ST3GAL3: variants seen among roughly 807,000 people sequenced by gnomAD.
ST3GAL3 encodes the protein CMP-N-acetylneuraminate-beta-1,4-galactoside alpha-2,3-sialyltransferase.
Under a neutral mutation model 50.1 loss-of-function variants are expected in ST3GAL3, and 21 were observed. That is an observed-to-expected ratio of 0.42 (90% CI 0.30 to 0.60). ST3GAL3 has a LOEUF of 0.60. Ranked by LOEUF, ST3GAL3 falls within the 20% of genes least tolerant of loss-of-function variation. The probability of loss-of-function intolerance (pLI) is 0.19; values close to 1 mark genes in which losing one functional copy is unlikely to be tolerated. For synonymous variants in ST3GAL3, 183 were observed against 190.0 expected (o/e 0.96, Z 0.30); for missense variants, 353 against 489.4 (o/e 0.72, Z 2.63).
chr1:43,852,222 C>T (rs1201325980), intron 5 of ST3GAL3, among the ~76,000 whole-genome samples: 1 of 152,182 alleles, frequency 6.6e-6, no homozygotes, highest in Non-Finnish European at 1.5e-5. Flanking sequence ...GAGTATTGCT[C>T]ACTTGGATAC....
chr1:43,844,964 T>A (rs2065997058), intron 5 of ST3GAL3, among the ~76,000 whole-genome samples: 1 of 152,172 alleles, frequency 6.6e-6, no homozygotes, highest in Non-Finnish European at 1.5e-5. Context: ...AGCCTGCACA[T>A]CTTTGTAGGA....
intron 5 of ST3GAL3, among the ~76,000 whole-genome samples, chr1:43,846,652 C>T (rs1372205750): frequency 6.6e-6 from 1 of 152,138 alleles, no homozygotes; most frequent in African/African-American, 2.4e-5. Context: ...ACACATGTCA[C>T]CGTACCCAGC....
intron 9 of ST3GAL3, among the ~76,000 whole-genome samples, chr1:43,901,233 C>T (rs1399529961): frequency 6.6e-6 from 1 of 152,242 alleles, no homozygotes; most frequent in Non-Finnish European, 1.5e-5. Flanking sequence ...CCTTTCACAT[C>T]GTTTCCTCTG....
intron 3 of ST3GAL3, among the ~76,000 whole-genome samples, chr1:43,812,298 G>A (rs897850520): frequency 1.4e-4 from 21 of 152,178 alleles, no homozygotes; most frequent in Non-Finnish European, 1.0e-4. Flanking sequence ...GCCTGGCACA[G>A]TTAGCAGGAG....
At chr1:43,848,505 A>G (rs2066687357) in intron 5 of ST3GAL3, among the ~76,000 whole-genome samples, 1 of 151,830 alleles carries the variant, frequency 6.6e-6, no homozygotes, top group South Asian at 2.1e-4. Flanking sequence ...GGGTTTCACC[A>G]TGTTAGCCAG....
rs368289011 is a variant in ST3GAL3 at position 43,792,060 on chromosome 1, A to G, written c.119-42A>G. On this transcript the variant is annotated intron_variant, in intron 2 of 11. Coordinates refer to ENST00000347631, the MANE Select transcript of ST3GAL3 (RefSeq NM_006279.5). Reference sequence around the variant, plus strand: ...GCCAGTGGGAGCTTGCTTTTTTATTATAAGAAGGAGAAAGAAATGAACTTG... The same window carrying G: ...GCCAGTGGGAGCTTGCTTTTTTATTGTAAGAAGGAGAAAGAAATGAACTTG... 5.0e-6 allele frequency: 8 copies of G among 1,613,446 alleles called. No individual in the cohort carries two copies. In the African/African-American group the frequency reaches 8.0e-5, roughly 16 times the overall value.
chr1:43,858,802 T>A (rs554439440), intron 5 of ST3GAL3, among the ~76,000 whole-genome samples: 36 of 152,114 alleles, frequency 2.4e-4, no homozygotes, highest in Non-Finnish European at 4.7e-4. Context: ...CTCTGACTGG[T>A]CTCCCCAAAT....
At chr1:43,923,071 A>G (rs773707822) in intron 11 of ST3GAL3, among the ~76,000 whole-genome samples, 25 of 152,160 alleles carry the variant, frequency 1.6e-4, no homozygotes, top group Non-Finnish European at 2.9e-4. Flanking sequence ...CCTGGGTGAC[A>G]GAGCAAGACT....
intron 1 of ST3GAL3, 38 bp from the exon 2 acceptor site, chr1:43,736,195 T>C: frequency 1.3e-6 from 2 of 1,559,046 alleles, no homozygotes; most frequent in Non-Finnish European, 1.8e-6. Flanking sequence ...ATAAGATGAG[T>C]GCTTTGTCTT....
At chr1:43,915,843 G>A (rs2081692806) in intron 9 of ST3GAL3, among the ~76,000 whole-genome samples, 1 of 152,234 alleles carries the variant, frequency 6.6e-6, no homozygotes, top group South Asian at 2.1e-4. Flanking sequence ...GAGAGGCTGG[G>A]CGCAGTGGCT....
chr1:43,794,705 C>G (rs1489022343), intron 3 of ST3GAL3, among the ~76,000 whole-genome samples: 1 of 152,064 alleles, frequency 6.6e-6, no homozygotes, highest in Non-Finnish European at 1.5e-5. Context: ...AATGACTATG[C>G]AAATTGTATT....
At chr1:43,917,597 T>TATA (rs1553136347) in intron 9 of ST3GAL3, among the ~76,000 whole-genome samples, 2 of 14,948 alleles carry the variant, frequency 1.3e-4, no homozygotes, top group South Asian at 2.0e-3. Flanking sequence ...ATATATAATA[T>TATA]ATATATTATA....
At chr1:43,828,586 A>G (rs1258662064) in intron 4 of ST3GAL3, among the ~76,000 whole-genome samples, 1 of 152,222 alleles carries the variant, frequency 6.6e-6, no homozygotes, top group Non-Finnish European at 1.5e-5. Context: ...AATGGGCAAA[A>G]GAACCAAAAA....
intron 4 of ST3GAL3, among the ~76,000 whole-genome samples, chr1:43,835,157 A>G (rs1036894520): frequency 1.3e-5 from 2 of 152,214 alleles, no homozygotes; most frequent in African/African-American, 2.4e-5. Flanking sequence ...GCTGCAGAGT[A>G]GGAGAAGAAC....
chr1:43,852,866 C>T (rs191855355), intron 5 of ST3GAL3, among the ~76,000 whole-genome samples: 148 of 152,202 alleles, frequency 9.7e-4, no homozygotes, highest in African/African-American at 3.6e-3. Context: ...AATGTTAGAT[C>T]ATTTCAACAA....
chr1:43,743,855 C>CA (rs376220898), intron 2 of ST3GAL3: 1 of 117,266 alleles, frequency 8.5e-6, no homozygotes, highest in Non-Finnish European at 1.8e-5. Context: ...CCCCCCCCCC[C>CA]ATTCCTATAT....
chr1:43,856,798 A>G (rs544993268), intron 5 of ST3GAL3, among the ~76,000 whole-genome samples: 2 of 152,260 alleles, frequency 1.3e-5, no homozygotes, highest in African/African-American at 4.8e-5. Flanking sequence ...TTAATTCCAC[A>G]TCTTGTCTGA....
intron 4 of ST3GAL3, among the ~76,000 whole-genome samples, chr1:43,819,449 A>G (rs2061809807): frequency 6.6e-6 from 1 of 150,796 alleles, no homozygotes; most frequent in South Asian, 2.1e-4. Flanking sequence ...TCCCCCATCT[A>G]TTAAAAATGT....
At chr1:43,816,396 C>G (rs2061254031) in intron 4 of ST3GAL3, among the ~76,000 whole-genome samples, 1 of 152,074 alleles carries the variant, frequency 6.6e-6, no homozygotes, top group Non-Finnish European at 1.5e-5. Context: ...TTCTGTATAC[C>G]AGGCTAGTAG....
Sources: allele counts gnomAD v4.1 joint callset (sites outside exome capture counted in the v4.1 genomes callset), GRCh38; gene constraint gnomAD v4.1.1; transcripts MANE v1.5; gene names NCBI Gene and HGNC (gene_info 2026-07-23, HGNC 2026-07-21).